KLK15: variants seen among roughly 807,000 people sequenced by gnomAD.
KLK15 encodes kallikrein-15.
Under a neutral mutation model 21.1 loss-of-function variants are expected in KLK15, and 19 were observed. That is an observed-to-expected ratio of 0.90 (90% CI 0.63 to 1.32). KLK15 has a LOEUF of 1.32. Ranked by LOEUF, KLK15 falls within the 40% of genes most tolerant of loss-of-function variation. The probability of loss-of-function intolerance (pLI) is 0.00; values close to 1 mark genes in which losing one functional copy is unlikely to be tolerated. For missense variants in KLK15, 345 were observed against 348.6 expected (o/e 0.99, Z 0.08); for synonymous variants, 141 against 141.5 (o/e 1.00, Z 0.03).
chr19:50,832,319 T>G (rs2090002564), upstream of KLK15, among the ~76,000 whole-genome samples: 1 of 84,130 alleles, frequency 1.2e-5, no homozygotes, highest in African/African-American at 3.5e-5. Flanking sequence ...TTTCTTTTTT[T>G]TTCTTTTTTT....
exon 2 of KLK15, chr19:50,827,755 C>G (rs1599952383): frequency 6.2e-7 from 1 of 1,611,020 alleles, no homozygotes; most frequent in East Asian, 2.2e-5. Context: ...AGCCACTTGC[C>G]ATGGCTGGGA....
chr19:50,826,887 G>A (rs777028650), exon 3 of KLK15: 6 of 1,560,326 alleles, frequency 3.8e-6, no homozygotes, highest in Non-Finnish European at 4.3e-6. Context: ...CCTTGTGACC[G>A]GGGGCTCCCA....
At chr19:50,827,110 T>A (rs2089897361) in exon 3 of KLK15, 1 of 1,603,952 alleles carries the variant, frequency 6.2e-7, no homozygotes, top group Non-Finnish European at 8.5e-7. Flanking sequence ...GTAGTTGCTC[T>A]GGGCCATCGC....
At chr19:50,832,149 G>T (rs1272959455), upstream of KLK15, among the ~76,000 whole-genome samples, 1 of 150,818 alleles carries the variant, frequency 6.6e-6, no homozygotes, top group African/African-American at 2.4e-5. Flanking sequence ...TGGCCTTTTG[G>T]GTCCCCCTCC....
chr19:50,827,881 C>T, intron 1 of KLK15, 66 bp from the exon 3 acceptor site: 4 of 1,488,734 alleles, frequency 2.7e-6, no homozygotes, highest in Middle Eastern at 1.7e-4. Context: ...ACCTTCCTTG[C>T]ACCCTGCCCT....
chr19:50,827,218 G>T (rs1442370266), intron 2 of KLK15, 57 bp from the exon 4 acceptor site: 4 of 1,503,034 alleles, frequency 2.7e-6, no homozygotes, highest in Non-Finnish European at 3.6e-6. Context: ...TTACCCGCAA[G>T]TAGAGGACAG....
chr19:50,827,868 T>G lies in KLK15; in HGVS notation c.44-53A>C. 2.6e-6 allele frequency: 4 copies of G among 1,555,268 alleles called. 1 individual carries two copies. Among genetic ancestry groups the G allele is most frequent in the Middle Eastern group, 3.4e-4 (2 of 5,900 alleles). Reference sequence around the variant, plus strand: ...GGACAGGGACGTTTACATTGCCTCCTACACCTTCCTTGCACCCTGCCCTAA... The same window carrying G: ...GGACAGGGACGTTTACATTGCCTCCGACACCTTCCTTGCACCCTGCCCTAA... On this transcript the variant is annotated intron_variant, in intron 1 of 4. Transcript: ENST00000598239.
downstream of KLK15, chr19:50,825,702 G>C: frequency 2.3e-6 from 3 of 1,318,804 alleles, no homozygotes; most frequent in Non-Finnish European, 3.1e-6. Context: ...AGGGTCTTGG[G>C]GGATGGCTCC....
intron 1 of KLK15, among the ~76,000 whole-genome samples, chr19:50,828,245 C>T (rs1170039517): frequency 6.6e-6 from 1 of 151,614 alleles, no homozygotes; most frequent in Non-Finnish European, 1.5e-5. Context: ...CATGCTCCGC[C>T]TGCCCTGTTG....
In KLK15 at chr19:50,827,769, G is replaced by A. The variant is rs371903293; in HGVS notation, c.90C>T (p.Pro30=). The A allele has an allele frequency of 3.2e-5, 51 of 1,611,046 alleles. No homozygotes were observed. The African/African-American group carries it at 6.3e-4, about 20-fold the overall frequency. ...GAGCCACTTGCCATGGCTGGGAGTG[G>A]GGTGCACACTCGTCACCTTCCAGCA... Residue 30 remains proline, a synonymous_variant, in exon 2 of 5, where the codon CCC becomes CCT. Transcript: ENST00000598239.
exon 3 of KLK15, chr19:50,826,886 C>T (rs768939433): frequency 2.6e-6 from 4 of 1,561,254 alleles, no homozygotes; most frequent in Non-Finnish European, 3.5e-6. Context: ...ACCTTGTGAC[C>T]GGGGGCTCCC....
chr19:50,829,201 G>A (rs1323400120), intron 1 of KLK15, among the ~76,000 whole-genome samples: 1 of 151,240 alleles, frequency 6.6e-6, no homozygotes, highest in Non-Finnish European at 1.5e-5. Flanking sequence ...CTTAAGCCTG[G>A]GTTCGAATGT....
chr19:50,825,960 A>G lies in KLK15; in HGVS notation c.619-12T>C. The G allele has an allele frequency of 6.2e-7, 1 of 1,608,298 alleles. No individual in the cohort carries two copies. Among genetic ancestry groups the G allele is most frequent in the Non-Finnish European group, 8.5e-7 (1 of 1,176,422 alleles). On this transcript the variant is annotated splice_polypyrimidine_tract_variant and intron_variant, in intron 4 of 4. Transcript: ENST00000598239. The stretch of plus-strand genomic sequence containing the variant: ...CCCCCAGAGTCACCCTGTGGGGAAA[A>G]GAGGGGGTCTCAGGTTGAGTGAAAC...
upstream of KLK15, among the ~76,000 whole-genome samples, chr19:50,831,787 C>CT (rs1172262450): frequency 6.6e-6 from 1 of 151,710 alleles, no homozygotes. Flanking sequence ...GGATCTCTCT[C>CT]CATCATCACC....
At chr19:50,830,560 G>A (rs1465658754) in intron 1 of KLK15, 1 of 157,248 alleles carries the variant, frequency 6.4e-6, no homozygotes, top group Non-Finnish European at 1.4e-5. Flanking sequence ...GCAGGCGCGA[G>A]GCAGGTAGGT....
chr19:50,830,374 G>A (rs1212196183), intron 1 of KLK15, among the ~76,000 whole-genome samples: 1 of 151,786 alleles, frequency 6.6e-6, no homozygotes, highest in Non-Finnish European at 1.5e-5. Flanking sequence ...CAGGAACTGG[G>A]CCAAAGGCCC....
intron 1 of KLK15, 118 bp downstream of exon 2, chr19:50,831,328 TGAAG>T (rs2123423788): frequency 3.0e-6 from 2 of 668,444 alleles, no homozygotes; most frequent in Non-Finnish European, 4.6e-6. Context: ...AGGTGGAGGG[TGAAG>T]GAAGGATCTT....
upstream of KLK15, among the ~76,000 whole-genome samples, chr19:50,832,847 G>A (rs767152199): frequency 1.3e-5 from 2 of 152,128 alleles, no homozygotes; most frequent in East Asian, 1.9e-4. Context: ...CCTCCCCTAC[G>A]AGACTGGCAG....
At chr19:50,827,697 T>G in exon 2 of KLK15, 2 of 1,611,098 alleles carry the variant, frequency 1.2e-6, no homozygotes, top group South Asian at 2.2e-5. Flanking sequence ...GCACCCAGTG[T>G]GGGGAGATGA....
Sources: allele counts gnomAD v4.1 joint callset (sites outside exome capture counted in the v4.1 genomes callset), GRCh38; gene constraint gnomAD v4.1.1; transcripts MANE v1.5; gene names NCBI Gene and HGNC (gene_info 2026-07-23, HGNC 2026-07-21).